The following LRP1B variants were observed in gnomAD, a reference collection of about 807,000 sequenced individuals.
The protein encoded by LRP1B is LDL receptor related protein 1B.
LRP1B carries 217 observed loss-of-function variants against 556.6 expected under a neutral mutation model. The ratio of observed to expected loss-of-function variants is 0.39; its 90% CI spans 0.35 to 0.44. The LOEUF is 0.44. Among genes scored for constraint, LRP1B ranks in the 20% least tolerant of loss-of-function variants. The pLI is 1.00. For missense variants in LRP1B, 5,053 were observed against 5,620.8 expected, an observed-to-expected ratio of 0.90 and a Z score of 3.23; for synonymous variants, 2,047 against 1,865.8, an observed-to-expected ratio of 1.10 and a Z score of -2.50.
At chr2:141,000,263 T>C (rs924266856) in intron 15 of LRP1B, among the ~76,000 whole-genome samples, 1 of 151,948 alleles carries the variant, frequency 6.6e-6, no homozygotes, top group Non-Finnish European at 1.5e-5. Context: ...AGCAAATATC[T>C]CTGTGTGTCC....
At position 140,543,652 on chromosome 2, in the gene LRP1B, C is replaced by T. The variant is rs6430914; in HGVS notation, c.7195-1681G>A. ...CTACTTCTATTTAACATTATCCTGGCGTTTCTAACTAGTATAATAAGGCAA... is the reference window on the plus strand; with the variant it reads ...CTACTTCTATTTAACATTATCCTGGTGTTTCTAACTAGTATAATAAGGCAA... On this transcript the variant is annotated intron_variant, in intron 43 of 90. Coordinates refer to ENST00000389484, the MANE Select transcript of LRP1B (RefSeq NM_018557.3). 4.6e-5 allele frequency among the ~76,000 whole-genome samples: 7 copies of T among 151,364 alleles called. No homozygotes were observed. The East Asian group carries it at 7.7e-4, about 17-fold the overall frequency.
intron 86 of LRP1B, 88 bp downstream of exon 86, chr2:140,270,154 A>AC: frequency 1.1e-6 from 1 of 898,232 alleles, no homozygotes; most frequent in Non-Finnish European, 1.8e-6. Context: ...ATTTAAAATT[A>AC]CCCCAGAAAA....
chr2:140,270,317 CAGCT>C lies in LRP1B; in HGVS notation c.13168_13171del (p.Ser4390ValfsTer64). On this transcript the variant is annotated frameshift_variant, in exon 86 of 91. Coordinates refer to ENST00000389484, the MANE Select transcript of LRP1B (RefSeq NM_018557.3). LOFTEE classifies it high-confidence loss of function. ...GTAACAGTAGCCATCACATAACTGACAGCTAGAGGCAATCTTTCCATTAGTGCAG... is the reference window on the plus strand; with the variant it reads ...GTAACAGTAGCCATCACATAACTGACAGAGGCAATCTTTCCATTAGTGCAG... 6.2e-7 allele frequency: 1 copy of C among 1,611,730 alleles called. No individual in the cohort carries two copies. The highest frequency in any genetic ancestry group is 8.5e-7 in the Non-Finnish European group (1 of 1,178,468).
rs867334450 is a variant in LRP1B at position 142,031,340 on chromosome 2, T to A, written c.82+99308A>T. Among the ~76,000 whole-genome samples, 20 of 125,732 alleles carry A rather than the reference T, an allele frequency of 1.6e-4. 1 individual carries two copies. The South Asian group carries it at 2.1e-3, about 13-fold the overall frequency. 82.5% of individuals were successfully genotyped at this position (125,732 alleles called of 152,430 possible). Reference sequence around the variant, plus strand: ...AGGTTGATTATACTTATTTTTTTTTTTTTTTTTTATTATACTCTAAGTTTT... The same window carrying A: ...AGGTTGATTATACTTATTTTTTTTTATTTTTTTTATTATACTCTAAGTTTT... On this transcript the variant is annotated intron_variant, in intron 1 of 90. Transcript: ENST00000389484.
chr2:141,911,920 A>G (rs916467), intron 1 of LRP1B, among the ~76,000 whole-genome samples: 129,207 of 151,868 alleles, frequency 0.85, 55,210 homozygotes, highest in East Asian at 1. Context: ...TGGCTCCTAA[A>G]TCTCATGAAC....
chr2:140,887,295 A>G (rs753766732), intron 23 of LRP1B, among the ~76,000 whole-genome samples: 1 of 152,176 alleles, frequency 6.6e-6, no homozygotes, highest in Non-Finnish European at 1.5e-5. Context: ...TGTTGGATGC[A>G]CAGTTGTTTA....
intron 21 of LRP1B, among the ~76,000 whole-genome samples, chr2:140,920,588 A>G (rs923782946): frequency 1.3e-5 from 2 of 152,032 alleles, no homozygotes; most frequent in East Asian, 3.9e-4. Context: ...CATATTTTAA[A>G]TCATTGCTTA....
intron 29 of LRP1B, among the ~76,000 whole-genome samples, chr2:140,847,023 T>A (rs1054614189): frequency 5.9e-5 from 9 of 152,224 alleles, no homozygotes; most frequent in Non-Finnish European, 1.3e-4. Context: ...TGCCTATTCC[T>A]CAAACTTTAT....
intron 14 of LRP1B, among the ~76,000 whole-genome samples, chr2:141,009,552 T>G (rs1021414502): frequency 1.3e-5 from 2 of 151,828 alleles, no homozygotes; most frequent in Non-Finnish European, 2.9e-5. Flanking sequence ...ATGGGAAATA[T>G]AAAAAGAAAG....
chr2:141,035,443 G>T (rs1263985451), intron 11 of LRP1B, among the ~76,000 whole-genome samples: 1 of 151,936 alleles, frequency 6.6e-6, no homozygotes, highest in African/African-American at 2.4e-5. Context: ...CTTATATTTA[G>T]TCCCTCGTTT....
intron 43 of LRP1B, among the ~76,000 whole-genome samples, chr2:140,593,972 C>G (rs577618280): frequency 4.6e-5 from 7 of 151,324 alleles, no homozygotes; most frequent in African/African-American, 1.7e-4. Context: ...ATGCCCATGA[C>G]ACATCATGTT....
intron 15 of LRP1B, among the ~76,000 whole-genome samples, chr2:140,999,830 A>T (rs1168380667): frequency 6.6e-6 from 1 of 152,042 alleles, no homozygotes; most frequent in Non-Finnish European, 1.5e-5. Flanking sequence ...ACAAAAAAGG[A>T]GGGAATGGTA....
chr2:140,598,821 G>C lies in LRP1B; in HGVS notation c.7004C>G (p.Thr2335Ser), dbSNP rs1451393860. ...LDECQNLMFW[T>S]NWNEQHPSIM... ...ACTTGGATGTTGTTCATTCCAGTTGGTCCAAAACATTAAACTAATTAAAAT... is the reference window on the plus strand; with the variant it reads ...ACTTGGATGTTGTTCATTCCAGTTGCTCCAAAACATTAAACTAATTAAAAT... The change falls in exon 43 of 91, where the codon ACC becomes AGC. Residue 2335 changes from threonine (T) to serine (S), a missense_variant. By Grantham distance (58) the Thr-to-Ser change is moderately conservative. Around this residue, in one of 5 missense-constraint regions of LRP1B, gnomAD observed 3,619 missense variants for 3,931.9 expected, o/e 0.92. Transcript: ENST00000389484. The C allele has an allele frequency of 6.2e-7, 1 of 1,601,274 alleles. No homozygotes were observed. The highest frequency in any genetic ancestry group is 1.3e-5 in the African/African-American group (1 of 74,650).
At chr2:140,484,683 G>T (rs776048146) in intron 59 of LRP1B, among the ~76,000 whole-genome samples, 15 of 152,080 alleles carry the variant, frequency 9.9e-5, no homozygotes, top group Non-Finnish European at 2.2e-4. Context: ...AATTATAATG[G>T]TCATAATCTA....
chr2:141,976,340 T>C lies in LRP1B; in HGVS notation c.82+154308A>G, dbSNP rs144183001. 7.5e-3 allele frequency among the ~76,000 whole-genome samples: 1,136 copies of C among 152,304 alleles called. 9 individuals are homozygous for C. The highest frequency in any genetic ancestry group is 0.026 in the African/African-American group (1,092 of 41,578). ...AAATCTTGCAGAATGCTAAATTACA[T>C]AAATTTCTTTATTGCAGTTTTGCTT... On this transcript the variant is annotated intron_variant, in intron 1 of 90. Coordinates refer to ENST00000389484, the MANE Select transcript of LRP1B (RefSeq NM_018557.3).
chr2:140,785,037 A>AG (rs1436225016), intron 32 of LRP1B, among the ~76,000 whole-genome samples: 1 of 152,168 alleles, frequency 6.6e-6, no homozygotes, highest in Non-Finnish European at 1.5e-5. Flanking sequence ...GAATAAAGAG[A>AG]GAAAAAAAAG....
At chr2:140,513,045 G>C (rs1394541389) in intron 51 of LRP1B, among the ~76,000 whole-genome samples, 1 of 151,930 alleles carries the variant, frequency 6.6e-6, no homozygotes, top group Non-Finnish European at 1.5e-5. Context: ...GCATTATTAG[G>C]ACACTGACAA....
In LRP1B at chr2:141,559,375, C is replaced by T. The variant is rs567904738; in HGVS notation, c.206-78842G>A. Among the ~76,000 whole-genome samples, 5 of 151,610 alleles carry T rather than the reference C, an allele frequency of 3.3e-5. 1 individual carries two copies. In the South Asian group the frequency reaches 1.0e-3, roughly 32 times the overall value. ...GTGAATAAGAATACTAACCATATGC[C>T]CATGATCACAATTGAGAGAACATAT... On this transcript the variant is annotated intron_variant, in intron 2 of 90. Transcript: ENST00000389484.
At chr2:140,804,248 C>T (rs961234137) in intron 32 of LRP1B, among the ~76,000 whole-genome samples, 8 of 152,050 alleles carry the variant, frequency 5.3e-5, no homozygotes, top group East Asian at 1.9e-4. Context: ...TGTAAATCTG[C>T]GAGTGTTCAG....
Sources: allele counts gnomAD v4.1 joint callset (sites outside exome capture counted in the v4.1 genomes callset), GRCh38; gene constraint gnomAD v4.1.1; regional missense constraint gnomAD v4.1.1; transcripts MANE v1.5; gene names NCBI Gene and HGNC (gene_info 2026-07-23, HGNC 2026-07-21).